Variants in PARP3 observed in about 807,000 individuals in gnomAD.
PARP3 encodes protein mono-ADP-ribosyltransferase PARP3.
Under a neutral mutation model 58.2 loss-of-function variants are expected in PARP3, and 46 were observed. That is an observed-to-expected ratio of 0.79 (90% CI 0.62 to 1.01). The LOEUF is 1.01. PARP3 is among the 50% of genes least tolerant of loss of function. PARP3 has a pLI of 0.00. For synonymous variants in PARP3, 252 were observed against 266.4 expected (o/e 0.95, Z 0.53); for missense variants, 663 against 683.9 (o/e 0.97, Z 0.34).
chr3:51,943,738 C>G (rs1395636892), intron 2 of PARP3, among the ~76,000 whole-genome samples, 200 bp downstream of exon 2: 1 of 152,110 alleles, frequency 6.6e-6, no homozygotes, highest in Non-Finnish European at 1.5e-5. Context: ...GCCCTTCAGA[C>G]CCCATGCAGG....
At chr3:51,948,242 G>T (rs1195853986) in intron 10 of PARP3, 69 bp from the exon 11 acceptor site, 6 of 1,441,530 alleles carry the variant, frequency 4.2e-6, no homozygotes, top group Non-Finnish European at 3.8e-6. Flanking sequence ...AGCATAGGGG[G>T]CAGGACTTAC....
At chr3:51,948,039 G>A (rs1162082946) in intron 10 of PARP3, 144 bp downstream of exon 10, 1 of 845,314 alleles carries the variant, frequency 1.2e-6, no homozygotes, top group Non-Finnish European at 1.8e-6. Context: ...AACATCCACT[G>A]GTTCAACACA....
chr3:51,946,408 T>A lies in PARP3; in HGVS notation c.1276+65T>A. 1 of 1,314,624 alleles carries A rather than the reference T, an allele frequency of 7.6e-7. No homozygotes were observed. The highest frequency in any genetic ancestry group is 2.3e-5 in the Admixed American group (1 of 43,432). 81.4% of individuals were successfully genotyped at this position (1,314,624 alleles called of 1,614,324 possible). On this transcript the variant is annotated intron_variant, in intron 9 of 10. Coordinates refer to ENST00000398755, the MANE Select transcript of PARP3 (RefSeq NM_001003931.4). The surrounding 1 kb of genome is among the most constrained non-coding windows in gnomAD (Gnocchi z 4.6). ...ACTAAGATGGATTGGGCCCAGTCCT[T>A]GGCCACTGGAAATTCATGGTGAATC...
chr3:51,944,031 C>T lies in PARP3; in HGVS notation c.184-58C>T, dbSNP rs542355292. 1.5e-4 allele frequency: 240 copies of T among 1,557,826 alleles called. 1 individual carries two copies. Among genetic ancestry groups the T allele is most frequent in the Admixed American group, 9.6e-4 (55 of 57,222 alleles). ...TCCCCATCAGAGCCCTCTCGGTGTA[C>T]GGCCAGGCACCCCATCTGACCCCAG... On this transcript the variant is annotated intron_variant, in intron 2 of 10. Transcript: ENST00000398755. The surrounding 1 kb of genome is among the most constrained non-coding windows in gnomAD (Gnocchi z 4.2).
chr3:51,944,381 C>A lies in PARP3; in HGVS notation c.313-9C>A. Reference sequence around the variant, plus strand: ...TGGTGGGCATACCCCTGAAGGCTGTCGGTTGCAGGGAGAGGTCGGCCAGTC... The same window carrying A: ...TGGTGGGCATACCCCTGAAGGCTGTAGGTTGCAGGGAGAGGTCGGCCAGTC... On this transcript the variant is annotated splice_polypyrimidine_tract_variant and intron_variant, in intron 3 of 10. Coordinates refer to ENST00000398755, the MANE Select transcript of PARP3 (RefSeq NM_001003931.4). This position sits in a 1 kb window ranked among gnomAD's most constrained non-coding sequence, Gnocchi z 4.2. 2 of 1,613,256 alleles carry A rather than the reference C, an allele frequency of 1.2e-6. No homozygotes were observed. The highest frequency in any genetic ancestry group is 1.1e-5 in the South Asian group (1 of 90,942).
chr3:51,942,497 C>G lies in PARP3; in HGVS notation c.-214C>G. 1 of 670,752 alleles carries G rather than the reference C, an allele frequency of 1.5e-6. No individual in the cohort carries two copies. The highest frequency in any genetic ancestry group is 2.8e-6 in the Non-Finnish European group (1 of 362,990). 41.6% of individuals were successfully genotyped at this position (670,752 alleles called of 1,614,324 possible). ...GACTGGTCGCCTGACTCGGCCTGCCCCAGCCTCTGCTTCACCCCACTGGTG... is the reference window on the plus strand; with the variant it reads ...GACTGGTCGCCTGACTCGGCCTGCCGCAGCCTCTGCTTCACCCCACTGGTG... On this transcript the variant is annotated 5_prime_UTR_variant, in exon 1 of 11. Coordinates refer to ENST00000398755, the MANE Select transcript of PARP3 (RefSeq NM_001003931.4).
In PARP3 at chr3:51,944,530, A is replaced by G; in HGVS notation, c.453A>G (p.Thr151=). The G allele has an allele frequency of 1.2e-6, 2 of 1,614,208 alleles. No individual in the cohort carries two copies. Among genetic ancestry groups the G allele is most frequent in the Middle Eastern group, 3.3e-4 (2 of 6,060 alleles). The part of the protein sequence containing the change: ...DHFVSHPGKY[T]LIEVQAEDEA... The stretch of plus-strand genomic sequence containing the variant: ...TTGTGTCTCACCCGGGCAAGTACAC[A>G]CTTATCGAAGTACAGGCAGAGGATG... The change falls in exon 4 of 11, where the codon ACA becomes ACG. Residue 151 remains threonine (T), a synonymous_variant. Transcript: ENST00000398755. This position sits in a 1 kb window ranked among gnomAD's most constrained non-coding sequence, Gnocchi z 4.2.
intron 10 of PARP3, 74 bp downstream of exon 10, chr3:51,947,969 G>A: frequency 2.8e-6 from 4 of 1,405,614 alleles, no homozygotes; most frequent in Non-Finnish European, 3.0e-6. Context: ...TTTCAGGGAG[G>A]GGGCTGTGAA....
In PARP3 at chr3:51,948,584, A is replaced by G; in HGVS notation, c.*104A>G. 1 of 1,012,624 alleles carries G rather than the reference A, an allele frequency of 9.9e-7. No individual in the cohort carries two copies. The highest frequency in any genetic ancestry group is 1.5e-6 in the Non-Finnish European group (1 of 684,288). The allele number at this position is 1,012,624 out of a possible 1,614,324, so 62.7% of individuals were successfully genotyped here. A position where few individuals can be genotyped will look rare whatever the true frequency, so the allele number is the denominator to read the frequency against. On this transcript the variant is annotated 3_prime_UTR_variant, in exon 11 of 11. Coordinates refer to ENST00000398755, the MANE Select transcript of PARP3 (RefSeq NM_001003931.4). ...ATCACTCCTTTTTTTCAAGAATACA[A>G]TACGTTGTTGTTAACTATAGTCACC...
Position 51,945,042 on chromosome 3 carries a change from G to A in PARP3, c.679G>A (p.Ala227Thr). Residue 227 changes from alanine (A) to threonine (T), a missense_variant, in exon 6 of 11, where the codon GCA becomes ACA. Ala to Thr is a moderately conservative substitution (Grantham distance 58, BLOSUM62 0). Coordinates refer to ENST00000398755, the MANE Select transcript of PARP3 (RefSeq NM_001003931.4). ...PLGKLSKQQIARGFEALEALE... is the reference protein window; with the variant it reads ...PLGKLSKQQITRGFEALEALE... ...GGGAAAGCTGAGCAAGCAACAGATT[G>A]CACGGGGTTTCGAGGCCTTGGAGGC... is the stretch of plus-strand genomic sequence containing the variant. 6.2e-7 allele frequency: 1 copy of A among 1,614,120 alleles called. No homozygotes were observed. The highest frequency in any genetic ancestry group is 1.1e-5 in the South Asian group (1 of 91,084).
In PARP3 at chr3:51,945,860, A is replaced by G; in HGVS notation, c.1019A>G (p.Gln340Arg). ...DSGAPEYKVI[Q>R]TYLEQTGSNH... ...CTTCTGCTCTCCCCACAGGTGATAC[A>G]GACCTACTTAGAACAGACTGGCAGC... The change falls in exon 8 of 11, where the codon CAG (glutamine) becomes CGG (arginine). Residue 340 changes from glutamine (Q) to arginine (R), a missense_variant. By Grantham distance (43) the Gln-to-Arg change is conservative. Transcript: ENST00000398755. The G allele has an allele frequency of 6.2e-7, 1 of 1,613,896 alleles. No individual in the cohort carries two copies. The highest frequency in any genetic ancestry group is 8.5e-7 in the Non-Finnish European group (1 of 1,179,798).
chr3:51,943,229 A>C, intron 1 of PARP3, 125 bp from the exon 2 acceptor site: 1 of 1,092,564 alleles, frequency 9.2e-7, no homozygotes, highest in Non-Finnish European at 1.3e-6. Context: ...AGGCCACCGA[A>C]GGGCCAACCC....
chr3:51,945,369 C>G, intron 6 of PARP3, 126 bp from the exon 7 acceptor site: 1 of 1,366,854 alleles, frequency 7.3e-7, no homozygotes, highest in Non-Finnish European at 1.0e-6. Flanking sequence ...GCTGGGCAGA[C>G]AGATAGGGTG....
rs747679406 is a variant in PARP3 at position 51,948,352 on chromosome 3, G to A, written c.1474G>A (p.Val492Met). ...TGAGTTGGAGCTGGATGGCCAGCAA[G>A]TGGTGGTGCCCCAGGGCCAGCCTGT... The part of the protein sequence containing the change: ...DTELELDGQQ[V>M]VVPQGQPVPC... Residue 492 changes from valine (V) to methionine (M), a missense_variant, in exon 11 of 11, where the codon GTG (valine) becomes ATG (methionine). By Grantham distance (21) the Val-to-Met change is conservative. Coordinates refer to ENST00000398755, the MANE Select transcript of PARP3 (RefSeq NM_001003931.4). The A allele has an allele frequency of 6.2e-7, 1 of 1,613,900 alleles. No homozygotes were observed. Among genetic ancestry groups the A allele is most frequent in the Non-Finnish European group, 8.5e-7 (1 of 1,179,894 alleles).
chr3:51,945,710 G>A (rs1358408073), intron 7 of PARP3, 66 bp downstream of exon 7: 12 of 1,564,026 alleles, frequency 7.7e-6, no homozygotes, highest in Middle Eastern at 1.9e-4. Flanking sequence ...ACCTGCCCTC[G>A]AGGTGCCCAG....
At position 51,945,068 on chromosome 3, in the gene PARP3, G is replaced by T. The variant is rs540910959; in HGVS notation, c.705G>T (p.Ala235=). The part of the protein sequence containing the change: ...QIARGFEALE[A]LEEALKGPTD... The stretch of plus-strand genomic sequence containing the variant: ...CACGGGGTTTCGAGGCCTTGGAGGC[G>T]CTGGAGGAGGCCCTGAAAGGCCCCA... Residue 235 remains alanine (A), a synonymous_variant, in exon 6 of 11, where the codon GCG becomes GCT. Transcript: ENST00000398755. 2.5e-6 allele frequency: 4 copies of T among 1,614,172 alleles called. 1 individual carries two copies. Among genetic ancestry groups the T allele is most frequent in the Middle Eastern group, 1.6e-4 (1 of 6,062 alleles).
chr3:51,946,881 C>A lies in PARP3; in HGVS notation c.1276+538C>A, dbSNP rs887825024. Among the ~76,000 whole-genome samples the A allele has an allele frequency of 2.6e-5, 4 of 152,172 alleles. No individual in the cohort carries two copies. Among genetic ancestry groups the A allele is most frequent in the African/African-American group, 9.7e-5 (4 of 41,430 alleles). ...ACTGGAGCTCAGAGCAATGCCTAGCCGGGGGCAGGGTGGGCTAGGGGCCCA... is the reference window on the plus strand; with the variant it reads ...ACTGGAGCTCAGAGCAATGCCTAGCAGGGGGCAGGGTGGGCTAGGGGCCCA... On this transcript the variant is annotated intron_variant, in intron 9 of 10. Coordinates refer to ENST00000398755, the MANE Select transcript of PARP3 (RefSeq NM_001003931.4). This position sits in a 1 kb window ranked among gnomAD's most constrained non-coding sequence, Gnocchi z 4.6.
At chr3:51,947,607 CGGTT>C in intron 9 of PARP3, 129 bp from the exon 10 acceptor site, 1 of 906,842 alleles carries the variant, frequency 1.1e-6, no homozygotes, top group Non-Finnish European at 1.7e-6. Context: ...GAGGGAGTGA[CGGTT>C]GGGGGAGAGT....
Position 51,945,566 on chromosome 3 carries a change from G to A in PARP3, c.933G>A (p.Val311=). 2 of 1,613,898 alleles carry A rather than the reference G, an allele frequency of 1.2e-6. No homozygotes were observed. Among genetic ancestry groups the A allele is most frequent in the Middle Eastern group, 1.7e-4 (1 of 6,056 alleles). Residue 311 remains valine (V), a synonymous_variant, in exon 7 of 11, where the codon GTG becomes GTA. Coordinates refer to ENST00000398755, the MANE Select transcript of PARP3 (RefSeq NM_001003931.4). ...VSEQEKTVEE[V]PHPLDRDYQL... is the part of the protein sequence containing the mutation. ...AGCAGGAGAAGACGGTGGAGGAGGT[G>A]CCACACCCCCTGGACCGAGACTACC...
Sources: allele counts gnomAD v4.1 joint callset (sites outside exome capture counted in the v4.1 genomes callset), GRCh38; gene constraint gnomAD v4.1.1; non-coding constraint Gnocchi (gnomAD v3.1); transcripts MANE v1.5; gene names NCBI Gene and HGNC (gene_info 2026-07-23, HGNC 2026-07-21).